The following MOB3B variants were observed in gnomAD, a reference collection of about 807,000 sequenced individuals.
MOB3B encodes the protein MOB kinase activator 3B.
A neutral mutation model predicts 18.7 loss-of-function variants in MOB3B; 7 were observed. The observed-to-expected ratio is 0.37, with a 90% CI of 0.21 to 0.70. The LOEUF (loss-of-function observed/expected upper bound fraction) is 0.70, where lower values mean the gene tolerates loss of function less well. MOB3B is among the 30% of genes least tolerant of loss of function. The probability of loss-of-function intolerance (pLI) is 0.52; values close to 1 mark genes in which losing one functional copy is unlikely to be tolerated. For missense variants in MOB3B, 253 were observed against 281.3 expected, an observed-to-expected ratio of 0.90 and a Z score of 0.72; for synonymous variants, 111 against 99.9, an observed-to-expected ratio of 1.11 and a Z score of -0.66.
chr9:27,523,734 A>G (rs1209185510), intron 1 of MOB3B, among the ~76,000 whole-genome samples: 1 of 152,206 alleles, frequency 6.6e-6, no homozygotes, highest in African/African-American at 2.4e-5. Flanking sequence ...GAGATCCAGA[A>G]AAATCAAAAA....
chr9:27,396,642 C>A (rs1001955505), intron 2 of MOB3B, among the ~76,000 whole-genome samples: 2 of 152,122 alleles, frequency 1.3e-5, no homozygotes, highest in African/African-American at 4.8e-5. Flanking sequence ...TAAATTTAGT[C>A]TCCTTCCCCA....
rs922164992 is a variant in MOB3B at position 27,529,575 on chromosome 9, C to A, written c.-219G>T. ...CTCACCGTGGGGTTTTACCTCCAGC[C>A]CAGGGCCCGGTCGGCTCCCTTCGCC... On this transcript the variant is annotated 5_prime_UTR_variant, in exon 1 of 4. Coordinates refer to ENST00000262244, the MANE Select transcript of MOB3B (RefSeq NM_024761.5). 12 of 985,574 alleles carry A rather than the reference C, an allele frequency of 1.2e-5. No individual in the cohort carries two copies. The highest frequency in any genetic ancestry group is 1.4e-5 in the Non-Finnish European group (12 of 830,052). The allele number at this position is 985,574 out of a possible 1,614,324, so 61.1% of individuals were successfully genotyped here. A position where few individuals can be genotyped will look rare whatever the true frequency, so the allele number is the denominator to read the frequency against.
chr9:27,507,285 C>A (rs1249898453), intron 1 of MOB3B, among the ~76,000 whole-genome samples: 1 of 152,168 alleles, frequency 6.6e-6, no homozygotes, highest in Non-Finnish European at 1.5e-5. Flanking sequence ...TTCACTCCTA[C>A]CTTCTTGTTT....
At chr9:27,526,839 C>G (rs1375293251) in intron 1 of MOB3B, among the ~76,000 whole-genome samples, 1 of 151,996 alleles carries the variant, frequency 6.6e-6, no homozygotes, top group South Asian at 2.1e-4. Context: ...ATCAGTATGA[C>G]AGAAAAGAAA....
At chr9:27,391,361 G>C (rs1355086184) in intron 2 of MOB3B, among the ~76,000 whole-genome samples, 1 of 152,124 alleles carries the variant, frequency 6.6e-6, no homozygotes, top group Non-Finnish European at 1.5e-5. Flanking sequence ...GGTGTGGTGG[G>C]TAAAGCTTAA....
chr9:27,357,499 G>A (rs1821209950), intron 3 of MOB3B, among the ~76,000 whole-genome samples: 3 of 151,730 alleles, frequency 2.0e-5, no homozygotes, highest in Non-Finnish European at 4.4e-5. Flanking sequence ...AGATAACTAG[G>A]AATAACCCCT....
intron 2 of MOB3B, among the ~76,000 whole-genome samples, chr9:27,410,180 A>T (rs1244718316): frequency 1.3e-5 from 2 of 152,240 alleles, no homozygotes; most frequent in African/African-American, 2.4e-5. Flanking sequence ...GCAGCCAATT[A>T]TTGAGGGCTC....
chr9:27,529,734 T>C lies in MOB3B; in HGVS notation c.-378A>G. ...GCCAACCGGCGGACGGGCGAGCGCC[T>C]GGCTCCAGCTGCAGCCGCCGTCGCT... is the stretch of plus-strand genomic sequence containing the variant. On this transcript the variant is annotated 5_prime_UTR_variant, in exon 1 of 4. Transcript: ENST00000262244. 1 of 985,348 alleles carries C rather than the reference T, an allele frequency of 1.0e-6. No individual in the cohort carries two copies. The highest frequency in any genetic ancestry group is 4.7e-5 in the South Asian group (1 of 21,284). 61.0% of individuals were successfully genotyped at this position (985,348 alleles called of 1,614,324 possible).
chr9:27,338,325 G>T (rs113492497), intron 3 of MOB3B, among the ~76,000 whole-genome samples: 1 of 152,100 alleles, frequency 6.6e-6, no homozygotes. Flanking sequence ...TACAAGCCAC[G>T]TAGGTGGGAG....
intron 3 of MOB3B, among the ~76,000 whole-genome samples, chr9:27,340,128 T>C (rs1820917886): frequency 6.6e-6 from 1 of 152,230 alleles, no homozygotes; most frequent in Non-Finnish European, 1.5e-5. Context: ...ACAATATTTA[T>C]TTGATTAATT....
At chr9:27,521,914 G>A (rs1475535980) in intron 1 of MOB3B, among the ~76,000 whole-genome samples, 1 of 151,984 alleles carries the variant, frequency 6.6e-6, no homozygotes. Flanking sequence ...CTTTTTTAAT[G>A]TATCTTCTTT....
chr9:27,506,510 C>T (rs1445523236), intron 1 of MOB3B, among the ~76,000 whole-genome samples: 1 of 149,322 alleles, frequency 6.7e-6, no homozygotes, highest in Admixed American at 6.8e-5. Context: ...GTGCCAGACC[C>T]TTTAATTATG....
intron 3 of MOB3B, among the ~76,000 whole-genome samples, chr9:27,352,785 A>G (rs1008195120): frequency 6.6e-6 from 1 of 152,230 alleles, no homozygotes; most frequent in Non-Finnish European, 1.5e-5. Context: ...TAAGATGTCA[A>G]TGAGTGATAG....
chr9:27,478,698 G>A (rs954245389), intron 1 of MOB3B, among the ~76,000 whole-genome samples: 1 of 151,928 alleles, frequency 6.6e-6, no homozygotes, highest in Admixed American at 6.6e-5. Context: ...AGAAGGAGTA[G>A]GTTATGTGAG....
intron 3 of MOB3B, among the ~76,000 whole-genome samples, chr9:27,341,440 G>C (rs1587141226): frequency 1.3e-5 from 2 of 152,204 alleles, no homozygotes; most frequent in African/African-American, 4.8e-5. Flanking sequence ...GAAAACATAT[G>C]GGGAATGTGC....
intron 2 of MOB3B, among the ~76,000 whole-genome samples, chr9:27,395,871 T>G (rs185065255): frequency 6.6e-6 from 1 of 152,232 alleles, no homozygotes; most frequent in African/African-American, 2.4e-5. Context: ...TAGGACTCGT[T>G]CAAGGAGCAC....
intron 1 of MOB3B, among the ~76,000 whole-genome samples, chr9:27,510,689 G>A (rs1195199855): frequency 6.6e-6 from 1 of 152,080 alleles, no homozygotes; most frequent in African/African-American, 2.4e-5. Flanking sequence ...GTGTTTCATG[G>A]AGCCAATGTT....
At chr9:27,346,321 C>A (rs561986226) in intron 3 of MOB3B, among the ~76,000 whole-genome samples, 1 of 152,292 alleles carries the variant, frequency 6.6e-6, no homozygotes, top group Admixed American at 6.5e-5. Context: ...TTATAGCAGC[C>A]CGAATGGTCT....
Position 27,455,207 on chromosome 9 carries a change from G to T in MOB3B, c.344C>A (p.Pro115His), listed in dbSNP as rs750549062. The part of the protein sequence containing the change: ...KYKKPTALPA[P>H]QYMNLLMDWI... ...ATCCATAAGAAGGTTCATGTACTGG[G>T]GAGCTGGCAGCGCTGTTGGCTTCTT... is the stretch of plus-strand genomic sequence containing the variant. Residue 115 changes from proline (P) to histidine (H), a missense_variant, in exon 2 of 4, where the codon CCC becomes CAC. Coordinates refer to ENST00000262244, the MANE Select transcript of MOB3B (RefSeq NM_024761.5). 6.2e-7 allele frequency: 1 copy of T among 1,614,114 alleles called. No individual in the cohort carries two copies. The highest frequency in any genetic ancestry group is 2.2e-5 in the East Asian group (1 of 44,878).
Sources: allele counts gnomAD v4.1 joint callset (sites outside exome capture counted in the v4.1 genomes callset), GRCh38; gene constraint gnomAD v4.1.1; transcripts MANE v1.5; gene names NCBI Gene and HGNC (gene_info 2026-07-23, HGNC 2026-07-21).